The following EDA variants were observed in gnomAD, a reference collection of about 807,000 sequenced individuals.
The protein encoded by EDA is ectodysplasin A.
Under a neutral mutation model 23.6 loss-of-function variants are expected in EDA, and 2 were observed. That is an observed-to-expected ratio of 0.08 (90% CI 0.03 to 0.27). The LOEUF (loss-of-function observed/expected upper bound fraction) is 0.27. Ranked by LOEUF, EDA falls within the 10% of genes least tolerant of loss-of-function variation. The pLI is 1.00. For synonymous variants in EDA, 131 were observed against 132.0 expected, an observed-to-expected ratio of 0.99 and a Z score of 0.05; for missense variants, 229 against 324.2, an observed-to-expected ratio of 0.71 and a Z score of 2.26.
intron 1 of EDA, among the ~76,000 whole-genome samples, chrX:69,719,587 T>C (rs1015945382): frequency 9.0e-6 from 1 of 111,036 alleles, no homozygotes; most frequent in African/African-American, 3.3e-5. Flanking sequence ...CACTTATAAG[T>C]GAGAACATGC....
chrX:69,891,965 A>C (rs1473633998), intron 1 of EDA, among the ~76,000 whole-genome samples: 1 of 111,704 alleles, frequency 9.0e-6, no homozygotes, highest in Non-Finnish European at 1.9e-5. Context: ...TTAGAAAAGG[A>C]CGCAGGAGAA....
chrX:69,733,314 C>T (rs1363547337), intron 1 of EDA, among the ~76,000 whole-genome samples: 1 of 112,273 alleles, frequency 8.9e-6, no homozygotes, highest in Admixed American at 9.5e-5. Flanking sequence ...CAGGTTTCTA[C>T]ATATGGCTAG....
At chrX:69,883,281 C>T (rs2017778335) in intron 1 of EDA, among the ~76,000 whole-genome samples, 1 of 111,720 alleles carries the variant, frequency 9.0e-6, no homozygotes, top group Non-Finnish European at 1.9e-5. Context: ...TTCAGTTTTT[C>T]ATTCCCAGTG....
At chrX:69,789,527 T>G in intron 1 of EDA, among the ~76,000 whole-genome samples, 1 of 112,094 alleles carries the variant, frequency 8.9e-6, no homozygotes, top group African/African-American at 3.2e-5. Context: ...GTATCCACGG[T>G]CACCATTCTG....
intron 1 of EDA, among the ~76,000 whole-genome samples, chrX:69,929,754 G>GTGTGT (rs2018573474): frequency 1.1e-5 from 1 of 94,308 alleles, no homozygotes; most frequent in East Asian, 3.2e-4. Flanking sequence ...GTGTGTGTGT[G>GTGTGT]ATGTATAATG....
intron 1 of EDA, among the ~76,000 whole-genome samples, chrX:69,837,298 C>A (rs1480958984): frequency 1.8e-5 from 2 of 111,876 alleles, no homozygotes; most frequent in East Asian, 5.6e-4. Context: ...TACAGTCAGT[C>A]CATGGTGCTG....
chrX:69,658,980 C>G (rs1933405275), intron 1 of EDA, among the ~76,000 whole-genome samples: 2 of 111,680 alleles, frequency 1.8e-5, no homozygotes, highest in African/African-American at 3.2e-5. Context: ...TCCACACCCA[C>G]AGCAATACAA....
rs200675938 is a variant in EDA at position 69,751,032 on chromosome X, G to T, written c.396+134328G>T. On this transcript the variant is annotated intron_variant, in intron 1 of 7. Transcript: ENST00000374552. Reference sequence around the variant, plus strand: ...GTGCAGAAGCTCTTTAGTTTAATTAGATCCCATTTGTCAATTTTGGCTTTT... The same window carrying T: ...GTGCAGAAGCTCTTTAGTTTAATTATATCCCATTTGTCAATTTTGGCTTTT... Among the ~76,000 whole-genome samples, 40 of 109,629 alleles carry T rather than the reference G, an allele frequency of 3.6e-4. No homozygotes were observed. The East Asian group carries it at 0.01, about 28-fold the overall frequency.
At chrX:69,981,027 C>A (rs2147451432) in intron 2 of EDA, among the ~76,000 whole-genome samples, 1 of 111,889 alleles carries the variant, frequency 8.9e-6, no homozygotes, top group Non-Finnish European at 1.9e-5. Flanking sequence ...CACAAGCATT[C>A]CACTGGGGTT....
chrX:69,845,585 T>C (rs1002323565), intron 1 of EDA, among the ~76,000 whole-genome samples: 78 of 112,154 alleles, frequency 7.0e-4, no homozygotes, highest in African/African-American at 2.1e-3. Context: ...GTTATGAAAC[T>C]CTTTTTTGGG....
chrX:69,762,536 A>G (rs2014340515), intron 1 of EDA, among the ~76,000 whole-genome samples: 1 of 112,210 alleles, frequency 8.9e-6, no homozygotes, highest in Non-Finnish European at 1.9e-5. Context: ...GTACTTTGTG[A>G]CACTTGGTAC....
intron 1 of EDA, among the ~76,000 whole-genome samples, chrX:69,779,825 G>A (rs1336158460): frequency 9.0e-6 from 1 of 111,289 alleles, no homozygotes; most frequent in Non-Finnish European, 1.9e-5. Flanking sequence ...ACCTAATTCA[G>A]GAATACTGTA....
At chrX:69,877,484 T>C (rs2147615706) in intron 1 of EDA, among the ~76,000 whole-genome samples, 1 of 112,653 alleles carries the variant, frequency 8.9e-6, no homozygotes, top group South Asian at 3.7e-4. Flanking sequence ...TTTTATAATG[T>C]AGTAAAGTGT....
intron 1 of EDA, among the ~76,000 whole-genome samples, chrX:69,667,119 C>CTTTTTTTT (rs35090201): frequency 3.5e-5 from 3 of 86,397 alleles, no homozygotes; most frequent in African/African-American, 4.6e-5. Flanking sequence ...TTTTCTTTTT[C>CTTTTTTTT]TTTTTTTTTT....
intron 1 of EDA, among the ~76,000 whole-genome samples, chrX:69,688,028 C>T (rs1010786346): frequency 9.0e-6 from 1 of 111,570 alleles, no homozygotes; most frequent in African/African-American, 3.3e-5. Flanking sequence ...AATACTTTCA[C>T]GTTGAAGGGG....
At chrX:69,679,176 T>C (rs1186958972) in intron 1 of EDA, among the ~76,000 whole-genome samples, 1 of 109,077 alleles carries the variant, frequency 9.2e-6, no homozygotes, top group African/African-American at 3.3e-5. Context: ...TGAAGCCCAC[T>C]TGATCATGGT....
chrX:70,017,982 C>A, intron 2 of EDA, among the ~76,000 whole-genome samples: 1 of 112,029 alleles, frequency 8.9e-6, no homozygotes, highest in Non-Finnish European at 1.9e-5. Flanking sequence ...GCTCCTTGAT[C>A]TGATAAACAA....
intron 1 of EDA, among the ~76,000 whole-genome samples, chrX:69,863,793 G>A (rs1392827596): frequency 1.8e-5 from 2 of 108,579 alleles, no homozygotes; most frequent in Admixed American, 2.0e-4. Flanking sequence ...GGGAATAGTT[G>A]TGTACTAGCT....
chrX:69,708,373 A>G (rs1222303406), intron 1 of EDA, among the ~76,000 whole-genome samples: 2 of 111,173 alleles, frequency 1.8e-5, no homozygotes, highest in Non-Finnish European at 3.8e-5. Context: ...ACACTCAGCT[A>G]TTTGTTACAA....
Sources: gnomAD v4.1 joint callset for allele counts (sites outside exome capture counted in the v4.1 genomes callset) on GRCh38, gnomAD v4.1.1 for gene constraint, MANE v1.5 for transcripts, NCBI Gene and HGNC (gene_info 2026-07-23, HGNC 2026-07-21) for gene names.